NRG3: variants seen among roughly 807,000 people sequenced by gnomAD.
The protein encoded by NRG3 is neuregulin 3, also known as pro-neuregulin-3, membrane-bound isoform.
NRG3 carries 31 observed loss-of-function variants against 66.9 expected under a neutral mutation model. That is an observed-to-expected ratio of 0.46 (90% CI 0.35 to 0.63). The LOEUF (loss-of-function observed/expected upper bound fraction) is 0.63, where lower values mean the gene tolerates loss of function less well. NRG3 is among the 20% of genes least tolerant of loss of function. The pLI, the probability that NRG3 is intolerant of heterozygous loss-of-function variation, is 0.00. For missense variants in NRG3, 910 were observed against 878.9 expected, an observed-to-expected ratio of 1.04 and a Z score of -0.45; for synonymous variants, 393 against 359.4, an observed-to-expected ratio of 1.09 and a Z score of -1.06.
At chr10:82,983,673 A>G (rs964676474) in intron 8 of NRG3, among the ~76,000 whole-genome samples, 3 of 152,254 alleles carry the variant, frequency 2.0e-5, no homozygotes, top group Admixed American at 6.5e-5. Flanking sequence ...TTTTTTAAAA[A>G]TAAAATGAGT....
chr10:82,528,551 A>G (rs1479706800), intron 2 of NRG3, among the ~76,000 whole-genome samples: 1 of 152,100 alleles, frequency 6.6e-6, no homozygotes, highest in Middle Eastern at 3.2e-3. Context: ...TTTAAATAAA[A>G]GACTCCTGGA....
chr10:82,426,507 T>C (rs11194280), intron 2 of NRG3, among the ~76,000 whole-genome samples: 3,152 of 150,634 alleles, frequency 0.021, 196 homozygotes, highest in East Asian at 0.17. Flanking sequence ...TTTTTTTTTT[T>C]TTAGCTTCTT....
chr10:82,198,927 G>T (rs2074603089), intron 1 of NRG3, among the ~76,000 whole-genome samples: 1 of 150,740 alleles, frequency 6.6e-6, no homozygotes, highest in South Asian at 2.1e-4. Context: ...AACCCGGGAG[G>T]CGGAGGTTGC....
chr10:82,906,679 A>G (rs1370741581), intron 4 of NRG3, among the ~76,000 whole-genome samples: 1 of 152,212 alleles, frequency 6.6e-6, no homozygotes, highest in Non-Finnish European at 1.5e-5. Flanking sequence ...CATGACTAAC[A>G]TCCTAATATG....
Position 82,519,717 on chromosome 10 carries a change from G to C in NRG3, c.953+160849G>C, listed in dbSNP as rs1050069422. On this transcript the variant is annotated intron_variant, in intron 2 of 8. Coordinates refer to ENST00000372141, the MANE Select transcript of NRG3 (RefSeq NM_001010848.4). ...GAAATATGTGGTTTTAAATAATTTT[G>C]TTATTATTTTAACATGGCAAAAATT... 2.0e-5 allele frequency among the ~76,000 whole-genome samples: 3 copies of C among 152,098 alleles called. No individual in the cohort carries two copies. The East Asian group carries it at 5.8e-4, about 29-fold the overall frequency.
intron 1 of NRG3, among the ~76,000 whole-genome samples, chr10:81,933,937 G>A (rs1691509207): frequency 6.6e-6 from 1 of 152,166 alleles, no homozygotes; most frequent in South Asian, 2.1e-4. Flanking sequence ...TGACTTTTTA[G>A]AAGCCTCTAA....
At chr10:82,409,997 G>A (rs1385862653) in intron 2 of NRG3, among the ~76,000 whole-genome samples, 1 of 152,168 alleles carries the variant, frequency 6.6e-6, no homozygotes, top group African/African-American at 2.4e-5. Flanking sequence ...CCAGAGGGTA[G>A]CTGAGCCTGC....
At chr10:82,268,612 C>A (rs769798963) in intron 1 of NRG3, among the ~76,000 whole-genome samples, 2 of 152,092 alleles carry the variant, frequency 1.3e-5, no homozygotes, top group Non-Finnish European at 1.5e-5. Flanking sequence ...ACAGCAGGTC[C>A]AAGTGTCATT....
At chr10:82,564,884 C>A (rs2045293905) in intron 2 of NRG3, among the ~76,000 whole-genome samples, 1 of 152,148 alleles carries the variant, frequency 6.6e-6, no homozygotes, top group Admixed American at 6.6e-5. Flanking sequence ...AAGGCACCTT[C>A]CCAATTTGTG....
chr10:82,700,804 A>C (rs1271873689), intron 2 of NRG3, among the ~76,000 whole-genome samples: 2 of 152,172 alleles, frequency 1.3e-5, no homozygotes, highest in Non-Finnish European at 2.9e-5. Context: ...CAAGGAGTCC[A>C]GCAGAAGAAA....
In NRG3 at chr10:82,695,441, A is replaced by AG. The variant is rs551307634; in HGVS notation, c.954-43136_954-43135insG. ...TTAAATATAATAGGATCGCAGTTTAATATACGAGTATGAAAACTCATATGT... is the reference window on the plus strand; with the variant it reads ...TTAAATATAATAGGATCGCAGTTTAAGTATACGAGTATGAAAACTCATATGT... On this transcript the variant is annotated intron_variant, in intron 2 of 8. Transcript: ENST00000372141. Among the ~76,000 whole-genome samples, 38 of 152,250 alleles carry AG rather than the reference A, an allele frequency of 2.5e-4. No homozygotes were observed. The South Asian group carries it at 7.2e-3, about 29-fold the overall frequency.
intron 2 of NRG3, among the ~76,000 whole-genome samples, chr10:82,380,975 C>A (rs2085578239): frequency 6.6e-6 from 1 of 152,042 alleles, no homozygotes; most frequent in African/African-American, 2.4e-5. Flanking sequence ...CTACAGGTAA[C>A]CACATGGATG....
intron 1 of NRG3, among the ~76,000 whole-genome samples, chr10:81,931,723 C>T (rs571292881): frequency 1.3e-5 from 2 of 152,316 alleles, no homozygotes; most frequent in Non-Finnish European, 2.9e-5. Flanking sequence ...TCATCGTTCC[C>T]CCTTTTCCCA....
chr10:81,973,484 A>C (rs528260367), intron 1 of NRG3, among the ~76,000 whole-genome samples: 1 of 152,346 alleles, frequency 6.6e-6, no homozygotes, highest in East Asian at 1.9e-4. Context: ...GAGTCGCCAC[A>C]GTGTCTTCCA....
At chr10:82,640,526 G>C (rs116010571) in intron 2 of NRG3, among the ~76,000 whole-genome samples, 2 of 152,138 alleles carry the variant, frequency 1.3e-5, no homozygotes, top group African/African-American at 2.4e-5. Context: ...GGACTGGACA[G>C]GGTGCATTTA....
intron 1 of NRG3, among the ~76,000 whole-genome samples, chr10:82,008,397 G>T (rs1484119643): frequency 1.3e-5 from 2 of 152,192 alleles, no homozygotes; most frequent in African/African-American, 4.8e-5. Flanking sequence ...ATAGTGTTCA[G>T]TGAAAAGTGA....
chr10:82,707,035 A>T (rs1591253918), intron 2 of NRG3, among the ~76,000 whole-genome samples: 1 of 147,210 alleles, frequency 6.8e-6, no homozygotes, highest in Non-Finnish European at 1.5e-5. Flanking sequence ...ATATATATAT[A>T]TATGTATATA....
intron 1 of NRG3, among the ~76,000 whole-genome samples, chr10:81,880,552 C>G (rs971293783): frequency 3.9e-5 from 6 of 152,172 alleles, no homozygotes; most frequent in Non-Finnish European, 8.8e-5. Context: ...ACCATCTCTC[C>G]TCTCTCTGGA....
chr10:82,792,806 G>C (rs1368794237), intron 3 of NRG3, among the ~76,000 whole-genome samples: 1 of 151,930 alleles, frequency 6.6e-6, no homozygotes, highest in East Asian at 1.9e-4. Context: ...TCAGCCTCCT[G>C]AGTAGCTGGG....
Sources: gnomAD v4.1 joint callset for allele counts (sites outside exome capture counted in the v4.1 genomes callset) on GRCh38, gnomAD v4.1.1 for gene constraint, MANE v1.5 for transcripts, NCBI Gene and HGNC (gene_info 2026-07-23, HGNC 2026-07-21) for gene names.